DYSF: variants seen among roughly 807,000 people sequenced by gnomAD.
The protein encoded by DYSF is dysferlin.
DYSF carries 212 observed loss-of-function variants against 274.9 expected under a neutral mutation model. The ratio of observed to expected loss-of-function variants is 0.77; its 90% confidence interval spans 0.69 to 0.86. The LOEUF (loss-of-function observed/expected upper bound fraction) is 0.86, where lower values mean the gene tolerates loss of function less well. DYSF is among the 40% of genes least tolerant of loss of function. The pLI, the probability that DYSF is intolerant of heterozygous loss-of-function variation, is 0.00. For synonymous variants in DYSF, 1,091 were observed against 1,078.7 expected (o/e 1.01, Z -0.22); for missense variants, 2,666 against 2,783.2 (o/e 0.96, Z 0.95).
intron 45 of DYSF, among the ~76,000 whole-genome samples, chr2:71,662,304 C>T (rs2094895676): frequency 6.6e-6 from 1 of 152,204 alleles, no homozygotes; most frequent in African/African-American, 2.4e-5. Context: ...TTGAGCTCAG[C>T]CACTTTAACT....
chr2:71,488,955 C>A (rs897437801), intron 3 of DYSF, among the ~76,000 whole-genome samples: 1 of 152,118 alleles, frequency 6.6e-6, no homozygotes, highest in Non-Finnish European at 1.5e-5. Context: ...TGCTCCTTCT[C>A]CTCCTTCCTC....
intron 16 of DYSF, among the ~76,000 whole-genome samples, chr2:71,538,804 T>G (rs1419932149): frequency 6.6e-6 from 1 of 152,180 alleles, no homozygotes; most frequent in Non-Finnish European, 1.5e-5. Flanking sequence ...CCTGGCTCCC[T>G]GAACAGGCCA....
At chr2:71,610,589 C>T (rs564023458) in intron 36 of DYSF, among the ~76,000 whole-genome samples, 11 of 152,338 alleles carry the variant, frequency 7.2e-5, no homozygotes, top group Non-Finnish European at 1.6e-4. Context: ...CACACACTTG[C>T]TCGTCTCTGT....
chr2:71,622,076 C>T (rs1238915297), intron 41 of DYSF, among the ~76,000 whole-genome samples: 2 of 143,598 alleles, frequency 1.4e-5, no homozygotes, highest in African/African-American at 5.0e-5. Flanking sequence ...TCTTTTGTCC[C>T]TTAAAGGACT....
intron 54 of DYSF, among the ~76,000 whole-genome samples, chr2:71,681,882 CAGTG>C (rs1451784789): frequency 6.6e-6 from 1 of 152,212 alleles, no homozygotes; most frequent in African/African-American, 2.4e-5. Flanking sequence ...GCTGGCAGAG[CAGTG>C]AGAGGCACCC....
At chr2:71,627,806 A>T (rs2094235248) in intron 41 of DYSF, among the ~76,000 whole-genome samples, 1 of 152,122 alleles carries the variant, frequency 6.6e-6, no homozygotes, top group South Asian at 2.1e-4. Flanking sequence ...ATCTTTTAAC[A>T]ATATGTAGCA....
At chr2:71,548,551 C>T (rs187938711) in intron 17 of DYSF, among the ~76,000 whole-genome samples, 4 of 142,836 alleles carry the variant, frequency 2.8e-5, no homozygotes, top group Admixed American at 2.2e-4. Flanking sequence ...GAGGGGTGTC[C>T]GTTTCCTTGG....
intron 21 of DYSF, among the ~76,000 whole-genome samples, chr2:71,555,451 G>C (rs745704674): frequency 2.0e-5 from 3 of 152,160 alleles, no homozygotes; most frequent in Non-Finnish European, 4.4e-5. Flanking sequence ...CTGTTTCCCT[G>C]GGAGGCAGCA....
At position 71,620,859 on chromosome 2, in the gene DYSF, T is replaced by A. The variant is rs116296803; in HGVS notation, c.4527+250T>A. Reference sequence around the variant, plus strand: ...TTACCTTATTTACCTGTGTGAGGGCTGGGGGCTTAGGTGGGGCTGCATGGG... The same window carrying A: ...TTACCTTATTTACCTGTGTGAGGGCAGGGGGCTTAGGTGGGGCTGCATGGG... On this transcript the variant is annotated intron_variant, in intron 41 of 55. Coordinates refer to ENST00000410020, the MANE Select transcript of DYSF (RefSeq NM_001130987.2). 0.025 allele frequency among the ~76,000 whole-genome samples: 3,773 copies of A among 152,156 alleles called. 153 individuals carry two copies. Among genetic ancestry groups the A allele is most frequent in the African/African-American group, 0.086 (3,550 of 41,490 alleles).
chr2:71,668,289 C>A lies in DYSF; in HGVS notation c.5458-465C>A, dbSNP rs150762921. ...TTCATCTTCTAGTTCTGTGACCCTG[C>A]AGAAGTGACTTAATTGAATTACTTC... is the stretch of plus-strand genomic sequence containing the variant. On this transcript the variant is annotated intron_variant, in intron 48 of 55. Transcript: ENST00000410020. 6.7e-3 allele frequency among the ~76,000 whole-genome samples: 1,017 copies of A among 152,328 alleles called. 7 individuals carry two copies. Among genetic ancestry groups the A allele is most frequent in the Middle Eastern group, 0.037 (11 of 294 alleles).
intron 14 of DYSF, among the ~76,000 whole-genome samples, chr2:71,529,262 C>T (rs904138296): frequency 6.6e-6 from 1 of 152,202 alleles, no homozygotes; most frequent in African/African-American, 2.4e-5. Flanking sequence ...TGACTTTAAA[C>T]TTGTCCCCAG....
chr2:71,686,708 C>G lies in DYSF; in HGVS notation c.*216C>G. 1.6e-6 allele frequency: 1 copy of G among 621,884 alleles called. No individual in the cohort carries two copies. The allele number at this position is 621,884 out of a possible 1,614,324, so 38.5% of individuals were successfully genotyped here. ...TCCATCATTTCCTTCTCCCCCAACCCAACGCTTTTTTGGATCAGCTCAGAC... is the reference window on the plus strand; with the variant it reads ...TCCATCATTTCCTTCTCCCCCAACCGAACGCTTTTTTGGATCAGCTCAGAC... On this transcript the variant is annotated 3_prime_UTR_variant, in exon 56 of 56. Coordinates refer to ENST00000410020, the MANE Select transcript of DYSF (RefSeq NM_001130987.2).
intron 1 of DYSF, among the ~76,000 whole-genome samples, chr2:71,455,419 CTT>C (rs756722910): frequency 6.6e-6 from 1 of 152,176 alleles, no homozygotes; most frequent in Non-Finnish European, 1.5e-5. Flanking sequence ...TCCAGCTGTG[CTT>C]TTTTTCCTAA....
chr2:71,480,374 A>ACACACACACG lies in DYSF; in HGVS notation c.92-499_92-490dup, dbSNP rs539209289. Reference sequence around the variant, plus strand: ...TATAGTGAGGCCCCCGTCTACACACACACACACACGCACACACACACACAT... The same window carrying ACACACACACG: ...TATAGTGAGGCCCCCGTCTACACACACACACACACGCACACACACGCACACACACACACAT... On this transcript the variant is annotated intron_variant, in intron 1 of 55. Coordinates refer to ENST00000410020, the MANE Select transcript of DYSF (RefSeq NM_001130987.2). Among the ~76,000 whole-genome samples, 5 of 151,554 alleles carry ACACACACACG rather than the reference A, an allele frequency of 3.3e-5. No homozygotes were observed. The South Asian group carries it at 8.4e-4, about 25-fold the overall frequency.
rs1306793523 is a variant in DYSF at position 71,611,637 on chromosome 2, C to T, written c.4221+11C>T. 3.7e-6 allele frequency: 6 copies of T among 1,612,580 alleles called. No homozygotes were observed. Among genetic ancestry groups the T allele is most frequent in the East Asian group, 4.5e-5 (2 of 44,866 alleles). On this transcript the variant is annotated intron_variant, in intron 38 of 55. Coordinates refer to ENST00000410020, the MANE Select transcript of DYSF (RefSeq NM_001130987.2). ...CTCTTCATGGAAGTGGTGAGCCCCA[C>T]CTCCCTACTGTCCCCTTCCAGAGTC...
chr2:71,529,009 T>A (rs1265632925), intron 14 of DYSF, among the ~76,000 whole-genome samples: 1 of 151,938 alleles, frequency 6.6e-6, no homozygotes, highest in Non-Finnish European at 1.5e-5. Context: ...CCATCACCTC[T>A]CTGCAGAGAA....
intron 21 of DYSF, among the ~76,000 whole-genome samples, chr2:71,554,167 T>C (rs1050946410): frequency 1.2e-4 from 18 of 152,160 alleles, no homozygotes; most frequent in African/African-American, 3.9e-4. Context: ...CAGTGTGCAG[T>C]GGGACACAGA....
upstream of DYSF, among the ~76,000 whole-genome samples, chr2:71,466,059 G>T (rs6751847): frequency 0.22 from 34,039 of 152,028 alleles, 4,240 homozygotes; most frequent in East Asian, 0.45. Context: ...AGAAGGCTCC[G>T]AGGAGGGTTG....
chr2:71,515,790 G>T (rs767983800), intron 8 of DYSF, 39 bp downstream of exon 8: 4 of 1,612,612 alleles, frequency 2.5e-6, no homozygotes, highest in Non-Finnish European at 3.4e-6. Flanking sequence ...ACCTTGGTGG[G>T]CCTTCCAATC....
Sources: allele counts gnomAD v4.1 joint callset (sites outside exome capture counted in the v4.1 genomes callset), GRCh38; gene constraint gnomAD v4.1.1; transcripts MANE v1.5; gene names NCBI Gene and HGNC (gene_info 2026-07-23, HGNC 2026-07-21).